ZDHHC20: variants seen among roughly 807,000 people sequenced by gnomAD.
The protein encoded by ZDHHC20 is palmitoyltransferase ZDHHC20.
ZDHHC20 carries 43 observed loss-of-function variants against 57.8 expected under a neutral mutation model. The ratio of observed to expected loss-of-function variants is 0.74; its 90% CI spans 0.58 to 0.96. The LOEUF (loss-of-function observed/expected upper bound fraction) is 0.96, where lower values mean the gene tolerates loss of function less well. ZDHHC20 is among the 40% of genes least tolerant of loss of function. The pLI is 0.00. For synonymous variants in ZDHHC20, 157 were observed against 153.0 expected, an observed-to-expected ratio of 1.03 and a Z score of -0.19; for missense variants, 391 against 441.1, an observed-to-expected ratio of 0.89 and a Z score of 1.02.
rs1885160629 is a variant in ZDHHC20, at chr13:21,458,994, C to T, written c.118+60G>A. On this transcript the variant is annotated intron_variant, in intron 1 of 12. Transcript: ENST00000400590. ...AGGCGGCGGGTGTGGGGCGCAGAGG[C>T]CTATCTCGCGCCCTAGCCGCGGCCC... is the stretch of plus-strand genomic sequence containing the variant. The T allele has an allele frequency of 5.9e-6, 8 of 1,355,790 alleles. No individual in the cohort carries two copies. In the East Asian group the frequency reaches 1.4e-4, roughly 23 times the overall value. 84.0% of individuals were successfully genotyped at this position (1,355,790 alleles called of 1,614,324 possible).
chr13:21,443,131 C>T (rs182780222), intron 1 of ZDHHC20, among the ~76,000 whole-genome samples: 1 of 152,236 alleles, frequency 6.6e-6, no homozygotes, highest in Non-Finnish European at 1.5e-5. Context: ...TCAGCTGTAT[C>T]CTTCCAGCTA....
intron 4 of ZDHHC20, among the ~76,000 whole-genome samples, chr13:21,412,984 A>AC (rs1879431782): frequency 6.6e-6 from 1 of 151,650 alleles, no homozygotes. Context: ...AAAAAAAAAA[A>AC]AAAAAAACAA....
At chr13:21,429,608 ACTT>A (rs1479478807) in intron 1 of ZDHHC20, among the ~76,000 whole-genome samples, 19 of 152,162 alleles carry the variant, frequency 1.2e-4, no homozygotes, top group Admixed American at 1.0e-3. Context: ...AGTTTGCTGA[ACTT>A]CTTAAGTTCT....
intron 2 of ZDHHC20, among the ~76,000 whole-genome samples, chr13:21,425,094 C>G (rs1168339177): frequency 6.6e-6 from 1 of 151,854 alleles, no homozygotes; most frequent in African/African-American, 2.4e-5. Context: ...TGCTTTTATC[C>G]CAGTGAAATT....
At position 21,446,987 on chromosome 13, in the gene ZDHHC20, C is replaced by T. The variant is rs1396678866; in HGVS notation, c.118+12067G>A. Reference sequence around the variant, plus strand: ...AGATATCTTGCTGAGCAAGAAAGGACGCCAGTCAAGATCTTGAGAATAGGA... The same window carrying T: ...AGATATCTTGCTGAGCAAGAAAGGATGCCAGTCAAGATCTTGAGAATAGGA... On this transcript the variant is annotated intron_variant, in intron 1 of 12. Transcript: ENST00000400590. 5.3e-5 allele frequency among the ~76,000 whole-genome samples: 8 copies of T among 151,984 alleles called. No homozygotes were observed. In the East Asian group the frequency reaches 9.7e-4, roughly 18 times the overall value.
intron 7 of ZDHHC20, among the ~76,000 whole-genome samples, chr13:21,399,507 G>A (rs1046884712): frequency 1.1e-4 from 16 of 152,076 alleles, no homozygotes; most frequent in Admixed American, 5.2e-4. Context: ...TACTTTCAAT[G>A]TTTTTGGTAG....
intron 7 of ZDHHC20, among the ~76,000 whole-genome samples, chr13:21,395,442 A>T (rs1876614062): frequency 6.6e-6 from 1 of 150,386 alleles, no homozygotes. Flanking sequence ...AACTCTGAAA[A>T]CTGAAATAAT....
At chr13:21,381,301 C>T in intron 11 of ZDHHC20, 133 bp downstream of exon 11, 1 of 790,154 alleles carries the variant, frequency 1.3e-6, no homozygotes, top group Non-Finnish European at 2.0e-6. Context: ...CCACCGCGCC[C>T]AGCATATATT....
chr13:21,427,889 A>G (rs1162600630), intron 1 of ZDHHC20, among the ~76,000 whole-genome samples: 1 of 151,908 alleles, frequency 6.6e-6, no homozygotes, highest in African/African-American at 2.4e-5. Flanking sequence ...ACTTCTTCAC[A>G]GAGGACTTTC....
At chr13:21,427,977 G>A (rs1166945090) in intron 1 of ZDHHC20, among the ~76,000 whole-genome samples, 1 of 94,904 alleles carries the variant, frequency 1.1e-5, no homozygotes, top group Non-Finnish European at 2.6e-5. Flanking sequence ...TAACACCCCT[G>A]ACACTTGTAA....
chr13:21,372,938 T>C lies in ZDHHC20; in HGVS notation c.*3758A>G, dbSNP rs1016620157. 6.6e-6 allele frequency: 1 copy of C among 152,220 alleles called. No homozygotes were observed. The highest frequency in any genetic ancestry group is 2.4e-5 in the African/African-American group (1 of 41,464). The allele number at this position is 152,220 out of a possible 1,614,324, so 9.4% of individuals were successfully genotyped here. ...ATACAAGTACAATTCCTTGCTTCTT[T>C]ATGCAACCTAACAAAATAATATAGA... On this transcript the variant is annotated 3_prime_UTR_variant, in exon 13 of 13. Coordinates refer to ENST00000400590, the MANE Select transcript of ZDHHC20 (RefSeq NM_001330059.2).
intron 7 of ZDHHC20, among the ~76,000 whole-genome samples, chr13:21,396,290 C>T (rs1876777182): frequency 6.6e-6 from 1 of 152,096 alleles, no homozygotes; most frequent in Non-Finnish European, 1.5e-5. Context: ...TTGTAAAACA[C>T]CTTCAAAAGG....
At position 21,374,938 on chromosome 13, in the gene ZDHHC20, A is replaced by C. The variant is rs1485299007; in HGVS notation, c.*1758T>G. The C allele has an allele frequency of 5.8e-6, 2 of 347,676 alleles. No individual in the cohort carries two copies. The highest frequency in any genetic ancestry group is 1.1e-5 in the Non-Finnish European group (2 of 177,436). 21.5% of individuals were successfully genotyped at this position (347,676 alleles called of 1,614,324 possible). A position where few individuals can be genotyped will look rare whatever the true frequency, so the allele number is the denominator to read the frequency against. On this transcript the variant is annotated 3_prime_UTR_variant, in exon 13 of 13. Transcript: ENST00000400590. ...TATTTGAGGTCAGGAGTTAGTGATCAGCCTGGTCAACATGGTGAAACCTCG... is the reference window on the plus strand; with the variant it reads ...TATTTGAGGTCAGGAGTTAGTGATCCGCCTGGTCAACATGGTGAAACCTCG...
chr13:21,431,036 T>C (rs1025701851), intron 1 of ZDHHC20, among the ~76,000 whole-genome samples: 2 of 152,232 alleles, frequency 1.3e-5, no homozygotes, highest in Non-Finnish European at 2.9e-5. Flanking sequence ...AATCAGTTCA[T>C]AGGCATTTGA....
At chr13:21,396,623 A>G (rs992338834) in intron 7 of ZDHHC20, among the ~76,000 whole-genome samples, 3 of 152,228 alleles carry the variant, frequency 2.0e-5, no homozygotes, top group Non-Finnish European at 4.4e-5. Flanking sequence ...ACCTAAGGTC[A>G]GGAGTTCAAG....
intron 7 of ZDHHC20, among the ~76,000 whole-genome samples, chr13:21,395,271 T>A (rs1352578697): frequency 6.6e-6 from 1 of 151,836 alleles, no homozygotes; most frequent in Non-Finnish European, 1.5e-5. Flanking sequence ...TTTCACCATG[T>A]TAGTCAGGAT....
intron 1 of ZDHHC20, among the ~76,000 whole-genome samples, chr13:21,445,935 G>A (rs759055175): frequency 1.3e-5 from 2 of 152,160 alleles, no homozygotes; most frequent in Non-Finnish European, 2.9e-5. Flanking sequence ...CGAAGTGAGA[G>A]CTAGCCATGC....
chr13:21,417,723 G>C (rs1188081357), intron 3 of ZDHHC20, among the ~76,000 whole-genome samples: 1 of 152,094 alleles, frequency 6.6e-6, no homozygotes, highest in Non-Finnish European at 1.5e-5. Context: ...ATAGGGGTGA[G>C]CCACCACGTC....
chr13:21,437,896 T>C (rs1305006178), intron 1 of ZDHHC20, among the ~76,000 whole-genome samples: 1 of 152,176 alleles, frequency 6.6e-6, no homozygotes, highest in Non-Finnish European at 1.5e-5. Flanking sequence ...TTTCACCATG[T>C]TAGCCAGGAT....
Sources: gnomAD v4.1 joint callset for allele counts (sites outside exome capture counted in the v4.1 genomes callset) on GRCh38, gnomAD v4.1.1 for gene constraint, MANE v1.5 for transcripts, NCBI Gene and HGNC (gene_info 2026-07-23, HGNC 2026-07-21) for gene names.